Variants in KHDRBS2 observed in about 807,000 individuals in gnomAD.
The protein encoded by KHDRBS2 is KH RNA binding domain containing, signal transduction associated 2, also known as KH domain-containing, RNA-binding, signal transduction-associated protein 2.
Under a neutral mutation model 44.3 loss-of-function variants are expected in KHDRBS2, and 26 were observed. The observed-to-expected ratio is 0.59, with a 90% CI of 0.43 to 0.81. The LOEUF (loss-of-function observed/expected upper bound fraction) is 0.81, where lower values mean the gene tolerates loss of function less well. KHDRBS2 is among the 40% of genes least tolerant of loss of function. The pLI is 0.00. For synonymous variants in KHDRBS2, 194 were observed against 151.1 expected, an observed-to-expected ratio of 1.28 and a Z score of -2.08; for missense variants, 476 against 433.1, an observed-to-expected ratio of 1.10 and a Z score of -0.88.
chr6:61,962,947 G>T (rs1429034093), intron 4 of KHDRBS2, among the ~76,000 whole-genome samples: 1 of 152,074 alleles, frequency 6.6e-6, no homozygotes, highest in African/African-American at 2.4e-5. Flanking sequence ...TTGTTGGTGA[G>T]CATGTATGAT....
intron 2 of KHDRBS2, among the ~76,000 whole-genome samples, chr6:62,063,956 A>G (rs1458906315): frequency 1.3e-5 from 2 of 148,426 alleles, no homozygotes; most frequent in Admixed American, 6.9e-5. Flanking sequence ...ATCAATGTAC[A>G]AAAATCACAA....
chr6:61,789,540 A>G lies in KHDRBS2; in HGVS notation c.811-56776T>C, dbSNP rs555351462. 2.6e-5 allele frequency among the ~76,000 whole-genome samples: 4 copies of G among 151,672 alleles called. No homozygotes were observed. The East Asian group carries it at 7.7e-4, about 29-fold the overall frequency. On this transcript the variant is annotated intron_variant, in intron 6 of 8. Coordinates refer to ENST00000281156, the MANE Select transcript of KHDRBS2 (RefSeq NM_152688.4). ...AGTAACATGTTTGGAAGACCTATGT[A>G]TAGAGACTAGCCTCAACAAAACTCC...
chr6:61,658,935 C>A, the KHDRBS2 span, among the ~76,000 whole-genome samples: 5,826 of 151,966 alleles, frequency 0.038, 145 homozygotes, highest in Non-Finnish European at 0.056. Context: ...AATCTCTATA[C>A]AACACTATTA....
intron 1 of KHDRBS2, among the ~76,000 whole-genome samples, chr6:62,241,370 A>C (rs2150167658): frequency 6.6e-6 from 1 of 152,366 alleles, no homozygotes; most frequent in Non-Finnish European, 1.5e-5. Context: ...AGGTCATTCA[A>C]AAGTAAGAAT....
At chr6:61,700,298 G>C (rs1768442909) in intron 7 of KHDRBS2, among the ~76,000 whole-genome samples, 1 of 151,010 alleles carries the variant, frequency 6.6e-6, no homozygotes, top group African/African-American at 2.4e-5. Flanking sequence ...TAAGATAAGA[G>C]ACAGAAAAAG....
intron 1 of KHDRBS2, among the ~76,000 whole-genome samples, chr6:62,248,238 G>A (rs1186625552): frequency 1.3e-5 from 2 of 151,094 alleles, no homozygotes; most frequent in Non-Finnish European, 2.9e-5. Flanking sequence ...ACTAACACAA[G>A]AGAATGGGTA....
chr6:61,843,224 A>T (rs1793858576), intron 6 of KHDRBS2, among the ~76,000 whole-genome samples: 1 of 151,956 alleles, frequency 6.6e-6, no homozygotes, highest in Non-Finnish European at 1.5e-5. Flanking sequence ...ATCTTTTCGA[A>T]GTGATAAAAA....
intron 2 of KHDRBS2, among the ~76,000 whole-genome samples, chr6:62,062,876 T>C (rs373073434): frequency 1.0e-4 from 15 of 148,122 alleles, no homozygotes; most frequent in African/African-American, 3.5e-4. Context: ...ATTGATAGAC[T>C]GCTAGCAAGA....
At chr6:61,838,475 T>C (rs1583092280) in intron 6 of KHDRBS2, among the ~76,000 whole-genome samples, 1 of 152,126 alleles carries the variant, frequency 6.6e-6, no homozygotes, top group African/African-American at 2.4e-5. Flanking sequence ...TATCTCAAAA[T>C]ATTAATATAT....
At chr6:62,121,188 T>G (rs1347884025) in intron 2 of KHDRBS2, among the ~76,000 whole-genome samples, 1 of 152,170 alleles carries the variant, frequency 6.6e-6, no homozygotes, top group Non-Finnish European at 1.5e-5. Context: ...ATCCCCACAT[T>G]GGCTCCCTGA....
intron 7 of KHDRBS2, among the ~76,000 whole-genome samples, chr6:61,705,452 T>C (rs139845470): frequency 6.6e-6 from 1 of 152,000 alleles, no homozygotes; most frequent in Non-Finnish European, 1.5e-5. Context: ...CTTTCTTATT[T>C]AATTGCCACA....
intron 2 of KHDRBS2, among the ~76,000 whole-genome samples, chr6:62,059,648 T>C (rs1230044685): frequency 2.0e-5 from 3 of 151,694 alleles, no homozygotes; most frequent in Non-Finnish European, 2.9e-5. Flanking sequence ...TATATTCCAT[T>C]TGAGATGCCT....
intron 2 of KHDRBS2, among the ~76,000 whole-genome samples, chr6:62,115,028 T>C (rs1235521442): frequency 6.6e-6 from 1 of 152,194 alleles, no homozygotes; most frequent in Admixed American, 6.6e-5. Flanking sequence ...AAACTATTTA[T>C]CAGTTGTCAA....
At chr6:61,891,595 C>T (rs1158794600) in intron 6 of KHDRBS2, among the ~76,000 whole-genome samples, 1 of 152,064 alleles carries the variant, frequency 6.6e-6, no homozygotes. Context: ...ACTGGTTCAA[C>T]ATAAGCAAAT....
intron 6 of KHDRBS2, among the ~76,000 whole-genome samples, chr6:61,849,303 T>C (rs115551401): frequency 0.013 from 1,978 of 152,182 alleles, 48 homozygotes; most frequent in African/African-American, 0.045. Context: ...TTGACACAGG[T>C]TCCTGTGATA....
intron 3 of KHDRBS2, among the ~76,000 whole-genome samples, chr6:62,012,768 T>A (rs551455816): frequency 6.6e-6 from 1 of 152,272 alleles, no homozygotes; most frequent in Admixed American, 6.5e-5. Context: ...CTACTCTAAC[T>A]ACATCAGCCA....
At chr6:62,043,566 G>A (rs1402582523) in intron 3 of KHDRBS2, among the ~76,000 whole-genome samples, 3 of 151,934 alleles carry the variant, frequency 2.0e-5, no homozygotes, top group East Asian at 1.9e-4. Context: ...TGACCAATAC[G>A]AGAAAGAAAT....
intron 6 of KHDRBS2, among the ~76,000 whole-genome samples, chr6:61,893,078 A>G (rs996937224): frequency 6.6e-6 from 1 of 152,220 alleles, no homozygotes; most frequent in Non-Finnish European, 1.5e-5. Flanking sequence ...CCCATCAACA[A>G]GTGGGCAAAG....
At chr6:62,011,969 A>T (rs181541419) in intron 3 of KHDRBS2, among the ~76,000 whole-genome samples, 153 of 152,306 alleles carry the variant, frequency 1.0e-3, no homozygotes, top group African/African-American at 3.6e-3. Flanking sequence ...TTACATACAC[A>T]AGAAAAAAGT....
Sources: gnomAD v4.1 joint callset for allele counts (sites outside exome capture counted in the v4.1 genomes callset) on GRCh38, gnomAD v4.1.1 for gene constraint, MANE v1.5 for transcripts, NCBI Gene and HGNC (gene_info 2026-07-23, HGNC 2026-07-21) for gene names.